Variants in RYR3 observed in about 807,000 individuals in gnomAD.
RYR3 encodes ryanodine receptor 3.
A neutral mutation model predicts 584.3 loss-of-function variants in RYR3; 207 were observed. The observed-to-expected ratio is 0.35, with a 90% CI of 0.32 to 0.40. RYR3 has a LOEUF of 0.40. Ranked by LOEUF, RYR3 falls within the 10% of genes least tolerant of loss-of-function variation. The pLI is 1.00. For synonymous variants in RYR3, 2,416 were observed against 2,248.5 expected, an observed-to-expected ratio of 1.07 and a Z score of -2.11; for missense variants, 5,616 against 6,089.2, an observed-to-expected ratio of 0.92 and a Z score of 2.59.
intron 1 of RYR3, among the ~76,000 whole-genome samples, chr15:33,461,073 T>C (rs2048000101): frequency 6.7e-6 from 1 of 149,828 alleles, no homozygotes; most frequent in South Asian, 2.1e-4. Flanking sequence ...GCCTCCCGAG[T>C]AGCTGTAACT....
intron 94 of RYR3, among the ~76,000 whole-genome samples, chr15:33,848,755 G>C (rs1385327543): frequency 1.3e-5 from 2 of 148,198 alleles, no homozygotes; most frequent in African/African-American, 2.5e-5. Context: ...TAGAGATCAA[G>C]TTGATCAGCT....
At chr15:33,584,082 T>G (rs147401042) in intron 14 of RYR3, among the ~76,000 whole-genome samples, 1 of 149,282 alleles carries the variant, frequency 6.7e-6, no homozygotes, top group Non-Finnish European at 1.5e-5. Context: ...CAAAAAAAAC[T>G]TAAAAATTAG....
intron 1 of RYR3, among the ~76,000 whole-genome samples, chr15:33,444,429 T>TC (rs2046457742): frequency 6.6e-6 from 1 of 152,226 alleles, no homozygotes; most frequent in African/African-American, 2.4e-5. Flanking sequence ...TAGACCCTAC[T>TC]CCTTGGTTAT....
At chr15:33,363,365 A>G (rs547352441) in intron 1 of RYR3, among the ~76,000 whole-genome samples, 1 of 152,270 alleles carries the variant, frequency 6.6e-6, no homozygotes, top group African/African-American at 2.4e-5. Context: ...AGTATGCCAA[A>G]GGTTGATAAT....
chr15:33,581,221 C>T (rs1392868668), intron 13 of RYR3, among the ~76,000 whole-genome samples: 10 of 152,160 alleles, frequency 6.6e-5, no homozygotes, highest in Non-Finnish European at 1.0e-4. Flanking sequence ...TTCACCCTCC[C>T]TCTTCCTAAG....
intron 2 of RYR3, among the ~76,000 whole-genome samples, chr15:33,492,772 C>T (rs992627191): frequency 1.3e-5 from 2 of 152,122 alleles, no homozygotes; most frequent in African/African-American, 4.8e-5. Flanking sequence ...GCTACTCTGT[C>T]TCTGTTCTGT....
chr15:33,613,417 C>G lies in RYR3; in HGVS notation c.2357+42C>G, dbSNP rs376142569. 2.5e-4 allele frequency: 386 copies of G among 1,538,506 alleles called. 2 individuals carry two copies. Among genetic ancestry groups the G allele is most frequent in the Middle Eastern group, 1.9e-3 (11 of 5,730 alleles). On this transcript the variant is annotated intron_variant, in intron 19 of 103. Transcript: ENST00000634891. ...ATTTCATGGAGAGTAGCAGTTACCC[C>G]ACCTCCCCGCCACCACTGTGAGCTG... is the stretch of plus-strand genomic sequence containing the variant.
intron 64 of RYR3, among the ~76,000 whole-genome samples, chr15:33,774,593 A>G (rs1387305321): frequency 2.0e-5 from 3 of 152,214 alleles, no homozygotes; most frequent in East Asian, 1.9e-4. Flanking sequence ...GTCATGTACT[A>G]GAAACCAAAA....
chr15:33,539,260 G>T (rs868218498), intron 5 of RYR3, 90 bp from the exon 6 acceptor site: 8 of 765,974 alleles, frequency 1.0e-5, no homozygotes, highest in Non-Finnish European at 1.1e-5. Context: ...TGCACGTGAA[G>T]GGTTGTCCTA....
intron 3 of RYR3, among the ~76,000 whole-genome samples, chr15:33,513,998 C>T (rs1444657490): frequency 6.6e-6 from 1 of 152,190 alleles, no homozygotes; most frequent in Non-Finnish European, 1.5e-5. Context: ...CTACAGCTCA[C>T]GCATTCCATG....
chr15:33,578,822 G>A (rs1295128068), intron 12 of RYR3, among the ~76,000 whole-genome samples: 1 of 151,488 alleles, frequency 6.6e-6, no homozygotes, highest in Non-Finnish European at 1.5e-5. Flanking sequence ...TGCACATTGA[G>A]CCAATTCTCA....
At chr15:33,414,968 G>C (rs1210192239) in intron 1 of RYR3, among the ~76,000 whole-genome samples, 1 of 152,074 alleles carries the variant, frequency 6.6e-6, no homozygotes, top group Non-Finnish European at 1.5e-5. Flanking sequence ...TTATATATAG[G>C]CACCCCCTCA....
intron 1 of RYR3, among the ~76,000 whole-genome samples, chr15:33,420,570 G>A (rs556064327): frequency 3.5e-4 from 54 of 152,212 alleles, no homozygotes; most frequent in African/African-American, 1.3e-3. Flanking sequence ...TTTTGCAGAC[G>A]AAGTTAAGGC....
chr15:33,557,378 T>A (rs1265615985), intron 10 of RYR3, among the ~76,000 whole-genome samples: 4 of 152,190 alleles, frequency 2.6e-5, no homozygotes, highest in Admixed American at 2.6e-4. Context: ...CTAGTTTCTC[T>A]ATTTTTTATT....
Position 33,412,497 on chromosome 15 carries a change from C to T in RYR3, c.52-60922C>T, listed in dbSNP as rs2043480720. On this transcript the variant is annotated intron_variant, in intron 1 of 103. Transcript: ENST00000634891. The surrounding 1 kb of genome is among the most constrained non-coding windows in gnomAD (Gnocchi z 4.3). ...CACCAGTAGGATCACTTTGAAGCCACCCTGGCCACGTGCATTGGCAGAAGT... is the reference window on the plus strand; with the variant it reads ...CACCAGTAGGATCACTTTGAAGCCATCCTGGCCACGTGCATTGGCAGAAGT... Among the ~76,000 whole-genome samples the T allele has an allele frequency of 6.6e-6, 1 of 152,116 alleles. No individual in the cohort carries two copies. The highest frequency in any genetic ancestry group is 2.1e-4 in the South Asian group (1 of 4,824).
At chr15:33,859,756 A>AC in intron 100 of RYR3, 25 bp downstream of exon 100, 2 of 1,590,970 alleles carry the variant, frequency 1.3e-6, no homozygotes, top group Non-Finnish European at 1.7e-6. Flanking sequence ...TGTGTTGAGT[A>AC]TGAACAGGGT....
chr15:33,748,070 T>A, intron 53 of RYR3, 44 bp from the exon 54 acceptor site: 1 of 1,602,570 alleles, frequency 6.2e-7, no homozygotes, highest in Middle Eastern at 2.1e-4. Flanking sequence ...GGGAGAATGC[T>A]GGGGTGTGTT....
At chr15:33,527,063 G>A (rs1160286629) in intron 3 of RYR3, among the ~76,000 whole-genome samples, 1 of 152,084 alleles carries the variant, frequency 6.6e-6, no homozygotes, top group African/African-American at 2.4e-5. Flanking sequence ...TATGATTGGA[G>A]CAGAGGATGT....
intron 87 of RYR3, among the ~76,000 whole-genome samples, 191 bp downstream of exon 87, chr15:33,835,263 C>T (rs1388874085): frequency 6.6e-6 from 1 of 152,220 alleles, no homozygotes; most frequent in Non-Finnish European, 1.5e-5. Context: ...CGCGGGGTCC[C>T]AGACAGGCTT....
Sources: gnomAD v4.1 joint callset for allele counts (sites outside exome capture counted in the v4.1 genomes callset) on GRCh38, gnomAD v4.1.1 for gene constraint, Gnocchi (gnomAD v3.1) non-coding constraint, MANE v1.5 for transcripts, NCBI Gene and HGNC (gene_info 2026-07-23, HGNC 2026-07-21) for gene names.